SMYD3: variants seen among roughly 807,000 people sequenced by gnomAD.
SMYD3 encodes the protein SET and MYND domain containing 3, also known as histone-lysine N-methyltransferase SMYD3.
Under a neutral mutation model 57.7 loss-of-function variants are expected in SMYD3, and 36 were observed. The ratio of observed to expected loss-of-function variants is 0.62; its 90% confidence interval spans 0.48 to 0.82. The LOEUF is 0.82. SMYD3 is among the 40% of genes least tolerant of loss of function. The pLI is 0.00. For missense variants in SMYD3, 515 were observed against 538.8 expected (o/e 0.96, Z 0.44); for synonymous variants, 211 against 195.0 (o/e 1.08, Z -0.68).
At chr1:246,057,123 T>C (rs1366258167) in intron 5 of SMYD3, among the ~76,000 whole-genome samples, 1 of 152,184 alleles carries the variant, frequency 6.6e-6, no homozygotes, top group Admixed American at 6.5e-5. Flanking sequence ...TAAGACATTG[T>C]CTATAAAAAT....
At chr1:246,033,895 T>C (rs531788522) in intron 5 of SMYD3, among the ~76,000 whole-genome samples, 1 of 152,312 alleles carries the variant, frequency 6.6e-6, no homozygotes, top group Admixed American at 6.5e-5. Flanking sequence ...CTGAGGAAAC[T>C]AGATAAAGGT....
At chr1:246,459,520 G>A (rs962472632) in intron 1 of SMYD3, among the ~76,000 whole-genome samples, 3 of 152,050 alleles carry the variant, frequency 2.0e-5, no homozygotes, top group South Asian at 2.1e-4. Context: ...TGCGTGGCAC[G>A]TCCCCCTTCA....
chr1:246,182,308 C>T, intron 5 of SMYD3, among the ~76,000 whole-genome samples: 1 of 152,196 alleles, frequency 6.6e-6, no homozygotes, highest in East Asian at 1.9e-4. Context: ...TCAGCCTTCA[C>T]TCCACTTAAT....
chr1:246,199,188 T>C (rs1034460421), intron 5 of SMYD3, among the ~76,000 whole-genome samples: 7 of 152,132 alleles, frequency 4.6e-5, no homozygotes, highest in Non-Finnish European at 1.0e-4. Flanking sequence ...CTGATGTTTT[T>C]AGAGTTAGAT....
intron 5 of SMYD3, among the ~76,000 whole-genome samples, chr1:246,026,793 T>C (rs753491011): frequency 2.0e-5 from 3 of 152,194 alleles, no homozygotes; most frequent in Non-Finnish European, 2.9e-5. Context: ...TACAATGGCC[T>C]CTAAGTGTTC....
At chr1:246,010,364 C>G (rs1428972490) in intron 5 of SMYD3, among the ~76,000 whole-genome samples, 1 of 152,158 alleles carries the variant, frequency 6.6e-6, no homozygotes, top group Admixed American at 6.5e-5. Context: ...AGAGATGAAG[C>G]TTCTCCATGC....
chr1:246,044,997 GA>G (rs1395065991), intron 5 of SMYD3, among the ~76,000 whole-genome samples: 1 of 152,180 alleles, frequency 6.6e-6, no homozygotes, highest in Admixed American at 6.5e-5. Flanking sequence ...CAAACAAATG[GA>G]AGAGCATTCC....
At chr1:246,002,992 C>T (rs554279888) in intron 5 of SMYD3, among the ~76,000 whole-genome samples, 5 of 152,110 alleles carry the variant, frequency 3.3e-5, no homozygotes, top group Admixed American at 2.6e-4. Context: ...AGTTTACCAC[C>T]GCACGATGTA....
At chr1:245,758,654 A>G (rs2045710196) in intron 11 of SMYD3, among the ~76,000 whole-genome samples, 1 of 151,732 alleles carries the variant, frequency 6.6e-6, no homozygotes, top group African/African-American at 2.4e-5. Context: ...TTAAATTTCT[A>G]TTTGTGTCTT....
chr1:245,774,221 T>C (rs2046449357), intron 10 of SMYD3, among the ~76,000 whole-genome samples: 1 of 152,220 alleles, frequency 6.6e-6, no homozygotes, highest in South Asian at 2.1e-4. Context: ...CTGTGGGACT[T>C]GGGGGACAAA....
intron 5 of SMYD3, among the ~76,000 whole-genome samples, chr1:245,936,851 C>T (rs2057005889): frequency 6.6e-6 from 1 of 151,748 alleles, no homozygotes; most frequent in Non-Finnish European, 1.5e-5. Flanking sequence ...ACTGTCCCCG[C>T]CACAAAAAAA....
At chr1:246,503,501 C>G (rs751295201) in intron 1 of SMYD3, among the ~76,000 whole-genome samples, 1 of 152,132 alleles carries the variant, frequency 6.6e-6, no homozygotes, top group Non-Finnish European at 1.5e-5. Flanking sequence ...AGACTTAGAG[C>G]ACTACACTAG....
At chr1:245,942,775 C>CATTTAGCAAATGCAAA (rs1200741820) in intron 5 of SMYD3, among the ~76,000 whole-genome samples, 2 of 152,136 alleles carry the variant, frequency 1.3e-5, no homozygotes, top group Non-Finnish European at 2.9e-5. Flanking sequence ...TAACTAAAGT[C>CATTTAGCAAATGCAAA]ATAACCGTCT....
chr1:246,307,063 A>C (rs896610974), intron 5 of SMYD3, among the ~76,000 whole-genome samples: 1 of 152,224 alleles, frequency 6.6e-6, no homozygotes, highest in Non-Finnish European at 1.5e-5. Context: ...TTTGGTAAAA[A>C]CAGGAGAAGC....
At chr1:245,908,984 A>G (rs2054774332) in intron 8 of SMYD3, among the ~76,000 whole-genome samples, 1 of 152,150 alleles carries the variant, frequency 6.6e-6, no homozygotes, top group Non-Finnish European at 1.5e-5. Context: ...TAAACAAAAC[A>G]GAGATTAAAG....
chr1:246,022,404 G>C (rs2059487709), intron 5 of SMYD3, among the ~76,000 whole-genome samples: 1 of 152,164 alleles, frequency 6.6e-6, no homozygotes, highest in African/African-American at 2.4e-5. Context: ...GAGGGGGTAA[G>C]AACGTGGGTT....
At chr1:246,149,577 T>G (rs1444247231) in intron 5 of SMYD3, among the ~76,000 whole-genome samples, 1 of 152,006 alleles carries the variant, frequency 6.6e-6, no homozygotes, top group African/African-American at 2.4e-5. Context: ...TTAAAAATAA[T>G]GAGGCAGATA....
At chr1:245,872,173 C>T (rs764526536) in intron 8 of SMYD3, among the ~76,000 whole-genome samples, 1 of 152,252 alleles carries the variant, frequency 6.6e-6, no homozygotes. Context: ...CTTCCAGATG[C>T]TGTCATCAGC....
At chr1:246,166,851 AT>A in intron 5 of SMYD3, among the ~76,000 whole-genome samples, 1 of 152,340 alleles carries the variant, frequency 6.6e-6, no homozygotes, top group East Asian at 1.9e-4. Context: ...TGCATTCACA[AT>A]GATAAACGAC....
Sources: gnomAD v4.1 joint callset for allele counts (sites outside exome capture counted in the v4.1 genomes callset) on GRCh38, gnomAD v4.1.1 for gene constraint, MANE v1.5 for transcripts, NCBI Gene and HGNC (gene_info 2026-07-23, HGNC 2026-07-21) for gene names.